The following STIP1 variants were observed in gnomAD, a reference collection of about 807,000 sequenced individuals.
The protein encoded by STIP1 is stress-induced-phosphoprotein 1.
A neutral mutation model predicts 77.4 loss-of-function variants in STIP1; 16 were observed. The observed-to-expected ratio is 0.21, with a 90% CI of 0.14 to 0.31. The LOEUF is 0.31. Among genes scored for constraint, STIP1 ranks in the 10% least tolerant of loss-of-function variants. The probability of loss-of-function intolerance (pLI) is 1.00; values close to 1 mark genes in which losing one functional copy is unlikely to be tolerated. For missense variants in STIP1, 524 were observed against 684.8 expected, an observed-to-expected ratio of 0.77 and a Z score of 2.62; for synonymous variants, 258 against 246.6, an observed-to-expected ratio of 1.05 and a Z score of -0.44.
At chr11:64,200,334 A>G in intron 10 of STIP1, 41 bp downstream of exon 10, 1 of 1,571,904 alleles carries the variant, frequency 6.4e-7, no homozygotes, top group South Asian at 1.2e-5. Context: ...GAAAGCCTGC[A>G]CATGAGGAGT....
At position 64,203,783 on chromosome 11, in the gene STIP1, G is replaced by T. The variant is rs1055053964; in HGVS notation, c.1559+161G>T. On this transcript the variant is annotated intron_variant, in intron 13 of 13. Coordinates refer to ENST00000305218, the MANE Select transcript of STIP1 (RefSeq NM_006819.3). ...TGGCAGTGGGTGGCGAGCTGGAAGGGCTTTGTTAGTCGTGATAGCTTAAGC... is the reference window on the plus strand; with the variant it reads ...TGGCAGTGGGTGGCGAGCTGGAAGGTCTTTGTTAGTCGTGATAGCTTAAGC... 2.7e-5 allele frequency: 23 copies of T among 845,284 alleles called. No homozygotes were observed. In the African/African-American group the frequency reaches 3.8e-4, roughly 14 times the overall value. The allele number at this position is 845,284 out of a possible 1,614,324, so 52.4% of individuals were successfully genotyped here. A position where few individuals can be genotyped will look rare whatever the true frequency, so the allele number is the denominator to read the frequency against.
At chr11:64,190,082 C>T (rs761114038) in intron 1 of STIP1, among the ~76,000 whole-genome samples, 2 of 151,874 alleles carry the variant, frequency 1.3e-5, no homozygotes, top group Non-Finnish European at 2.9e-5. Flanking sequence ...CTCACTGCAG[C>T]CTCCGACTCC....
intron 3 of STIP1, 52 bp from the exon 4 acceptor site, chr11:64,194,427 G>C: frequency 6.2e-7 from 1 of 1,612,456 alleles, no homozygotes. Flanking sequence ...ATGGGACACA[G>C]TAATTCTAGT....
At chr11:64,195,545 TA>T in intron 4 of STIP1, 99 bp from the exon 5 acceptor site, 2 of 1,269,846 alleles carry the variant, frequency 1.6e-6, no homozygotes, top group Non-Finnish European at 2.1e-6. Flanking sequence ...GAGGAGCTTC[TA>T]AACACAAGAA....
At position 64,197,373 on chromosome 11, in the gene STIP1, A is replaced by G. The variant is rs1946162607; in HGVS notation, c.775A>G (p.Met259Val). 9 of 1,613,956 alleles carry G rather than the reference A, an allele frequency of 5.6e-6. No homozygotes were observed. Among genetic ancestry groups the G allele is most frequent in the Admixed American group, 1.7e-5 (1 of 59,952 alleles). The change falls in exon 6 of 14, where the codon ATG becomes GTG. Residue 259 changes from methionine to valine, a missense_variant. Physicochemically the swap from Met to Val is conservative, Grantham distance 21 (BLOSUM62 1). Transcript: ENST00000305218. ...DKAKELDPTN[M>V]TYITNQAAVY... The stretch of plus-strand genomic sequence containing the variant: ...AGCCAAGGAGCTGGACCCCACTAAC[A>G]TGACTTACATTACCAATCAAGCAGG...
chr11:64,199,988 G>C lies in STIP1; in HGVS notation c.1072G>C (p.Asp358His), dbSNP rs767754733. 10 of 1,614,044 alleles carry C rather than the reference G, an allele frequency of 6.2e-6. No homozygotes were observed. Among genetic ancestry groups the C allele is most frequent in the Non-Finnish European group, 8.5e-6 (10 of 1,180,042 alleles). The change falls in exon 9 of 14, where the codon GAC (aspartate) becomes CAC (histidine). Residue 358 changes from aspartate to histidine, a missense_variant. Asp to His is a moderately conservative substitution (Grantham distance 81). Transcript: ENST00000305218. The part of the protein sequence containing the change: ...EQERLAYINP[D>H]LALEEKNKGN... ...AGAGCGGCTGGCCTACATAAACCCC[G>C]ACCTGGCTTTGGAGGAGAAGAACAA...
At chr11:64,195,295 G>A (rs1040644561) in intron 4 of STIP1, among the ~76,000 whole-genome samples, 3 of 151,972 alleles carry the variant, frequency 2.0e-5, no homozygotes, top group African/African-American at 7.3e-5. Context: ...TGTATGTTTA[G>A]TAGTAGCGGT....
chr11:64,203,344 A>C, intron 12 of STIP1, 106 bp from the exon 13 acceptor site: 1 of 1,577,336 alleles, frequency 6.3e-7, no homozygotes, highest in Non-Finnish European at 8.7e-7. Flanking sequence ...TTTCTCTCTT[A>C]CTTGTTCTCT....
At chr11:64,196,438 G>A (rs1421798840) in intron 5 of STIP1, among the ~76,000 whole-genome samples, 2 of 151,316 alleles carry the variant, frequency 1.3e-5, no homozygotes, top group Non-Finnish European at 2.9e-5. Flanking sequence ...ATTCCTAGGA[G>A]TAATGTGTAG....
chr11:64,189,489 T>C (rs958828956), intron 1 of STIP1, among the ~76,000 whole-genome samples: 1 of 151,944 alleles, frequency 6.6e-6, no homozygotes. Context: ...ATTGCGCCAC[T>C]GCCCTCCAGC....
intron 8 of STIP1, among the ~76,000 whole-genome samples, chr11:64,198,753 G>GTTTTTTTTTTTTT (rs371481270): frequency 7.2e-5 from 8 of 111,020 alleles, no homozygotes; most frequent in Non-Finnish European, 1.1e-4. Context: ...TTTTTTTGTG[G>GTTTTTTTTTTTTT]TTTTTTTTTT....
At position 64,204,421 on chromosome 11, in the gene STIP1, T is replaced by C. The variant is rs1946261500; in HGVS notation, c.*295T>C. ...CTCCCATAGTTGGTTTTTTTTTTAT[T>C]TGGGGCAGTGGGCATGTTATGGGGA... On this transcript the variant is annotated 3_prime_UTR_variant, in exon 14 of 14. Transcript: ENST00000305218. 6 of 428,114 alleles carry C rather than the reference T, an allele frequency of 1.4e-5. 1 individual carries two copies. The South Asian group carries it at 2.2e-4, about 16-fold the overall frequency. 26.5% of individuals were successfully genotyped at this position (428,114 alleles called of 1,614,324 possible).
At chr11:64,202,940 T>TG in intron 11 of STIP1, 28 bp downstream of exon 11, 1 of 1,614,084 alleles carries the variant, frequency 6.2e-7, no homozygotes, top group Non-Finnish European at 8.5e-7. Context: ...GCCTGTCCCC[T>TG]GTCTCTAGCC....
chr11:64,197,908 C>T lies in STIP1; in HGVS notation c.957C>T (p.Ala319=). ...TCAAAGAAGAAAAGTACAAGGATGC[C>T]ATCCATTTCTATAACAAGTCTCTGG... The part of the protein sequence containing the change: ...SYFKEEKYKD[A]IHFYNKSLAE... The change falls in exon 8 of 14, where the codon GCC becomes GCT. Residue 319 remains alanine (A), a synonymous_variant. Transcript: ENST00000305218. 1 of 1,612,976 alleles carries T rather than the reference C, an allele frequency of 6.2e-7. No homozygotes were observed.
At chr11:64,194,840 C>T (rs1201658445) in intron 4 of STIP1, among the ~76,000 whole-genome samples, 3 of 152,140 alleles carry the variant, frequency 2.0e-5, no homozygotes, top group Non-Finnish European at 4.4e-5. Flanking sequence ...TCTGTATACA[C>T]CTCTCTCCTG....
chr11:64,200,596 T>C (rs1591014583), intron 10 of STIP1, among the ~76,000 whole-genome samples: 2 of 100,286 alleles, frequency 2.0e-5, no homozygotes, highest in South Asian at 2.8e-4. Context: ...TGGTCGTGTG[T>C]GTGTGTGTGT....
intron 1 of STIP1, among the ~76,000 whole-genome samples, chr11:64,192,447 C>T (rs1434596915): frequency 6.6e-6 from 1 of 152,202 alleles, no homozygotes; most frequent in Admixed American, 6.5e-5. Context: ...TTAAGAATGG[C>T]AGGAATCAAT....
At chr11:64,190,503 C>T (rs935552936) in intron 1 of STIP1, among the ~76,000 whole-genome samples, 1 of 151,934 alleles carries the variant, frequency 6.6e-6, no homozygotes, top group Non-Finnish European at 1.5e-5. Context: ...GTAGTAGAGA[C>T]GGGGTTTCAC....
At chr11:64,199,892 G>A (rs777883438) in intron 8 of STIP1, 48 bp from the exon 9 acceptor site, 18 of 1,606,856 alleles carry the variant, frequency 1.1e-5, no homozygotes, top group Admixed American at 5.0e-5. Context: ...CCAATATTTA[G>A]ATGATTATGA....
Sources: allele counts gnomAD v4.1 joint callset (sites outside exome capture counted in the v4.1 genomes callset), GRCh38; gene constraint gnomAD v4.1.1; transcripts MANE v1.5; gene names NCBI Gene and HGNC (gene_info 2026-07-23, HGNC 2026-07-21).